Variants in POMT2 observed in about 807,000 individuals in gnomAD.
POMT2 encodes the protein protein O-mannosyltransferase 2.
POMT2 carries 75 observed loss-of-function variants against 100.0 expected under a neutral mutation model. That is an observed-to-expected ratio of 0.75 (90% CI 0.62 to 0.91). The LOEUF is 0.91. Among genes scored for constraint, POMT2 ranks in the 40% least tolerant of loss-of-function variants. The pLI is 0.00. For synonymous variants in POMT2, 378 were observed against 374.1 expected (o/e 1.01, Z -0.12); for missense variants, 940 against 955.1 (o/e 0.98, Z 0.21).
At chr14:77,309,736 G>A (rs1442178995) in intron 2 of POMT2, among the ~76,000 whole-genome samples, 2 of 152,082 alleles carry the variant, frequency 1.3e-5, no homozygotes, top group Admixed American at 6.6e-5. Flanking sequence ...AGGCTGGAGT[G>A]CAGTGGCACG....
rs758284998 is a variant in POMT2 at position 77,320,706 on chromosome 14, C to T, written c.-25G>A. 1.3e-6 allele frequency: 2 copies of T among 1,590,270 alleles called. No individual in the cohort carries two copies. The highest frequency in any genetic ancestry group is 1.3e-5 in the African/African-American group (1 of 74,442). The stretch of plus-strand genomic sequence containing the variant: ...TCTTCCCCCTCCTCTGGGTCGCCCT[C>T]CGGCCCGGAGGCACACTTTGTCTGA... On this transcript the variant is annotated 5_prime_UTR_variant, in exon 1 of 21. Transcript: ENST00000261534.
intron 4 of POMT2, among the ~76,000 whole-genome samples, chr14:77,304,209 G>A (rs942120468): frequency 1.3e-5 from 2 of 152,170 alleles, no homozygotes; most frequent in Admixed American, 6.5e-5. Flanking sequence ...CAACTTCTAC[G>A]ATGAACTCTC....
At chr14:77,280,119 C>G in intron 16 of POMT2, 39 bp from the exon 17 acceptor site, 1 of 1,613,420 alleles carries the variant, frequency 6.2e-7, no homozygotes, top group Non-Finnish European at 8.5e-7. Flanking sequence ...CAGGCCCAGC[C>G]CATCCTCGGC....
intron 4 of POMT2, among the ~76,000 whole-genome samples, chr14:77,304,468 A>G (rs970649323): frequency 6.6e-6 from 1 of 152,210 alleles, no homozygotes; most frequent in Non-Finnish European, 1.5e-5. Context: ...CCTTGGGATT[A>G]CCCACGCCGA....
chr14:77,299,662 A>G, intron 6 of POMT2, 101 bp from the exon 7 acceptor site: 6 of 916,720 alleles, frequency 6.5e-6, no homozygotes, highest in Non-Finnish European at 1.1e-5. Context: ...ATCAGTCATA[A>G]TCATAAAAAA....
chr14:77,283,389 A>T (rs1291712138), intron 15 of POMT2, among the ~76,000 whole-genome samples: 1 of 152,124 alleles, frequency 6.6e-6, no homozygotes, highest in Non-Finnish European at 1.5e-5. Flanking sequence ...ACTAGCAGTA[A>T]CTCTAAAAGC....
At chr14:77,320,222 A>C in intron 1 of POMT2, 1 of 755,982 alleles carries the variant, frequency 1.3e-6, no homozygotes, top group Non-Finnish European at 2.2e-6. Context: ...TTCCTCAGAT[A>C]CTAAGAATCC....
At chr14:77,282,088 G>C (rs1322448963) in intron 15 of POMT2, among the ~76,000 whole-genome samples, 1 of 152,188 alleles carries the variant, frequency 6.6e-6, no homozygotes, top group African/African-American at 2.4e-5. Context: ...AATGAGGAAT[G>C]AATCATTCTG....
intron 15 of POMT2, among the ~76,000 whole-genome samples, chr14:77,281,072 C>T (rs1398896335): frequency 6.6e-6 from 1 of 150,462 alleles, no homozygotes; most frequent in Non-Finnish European, 1.5e-5. Flanking sequence ...CCAACCTAGG[C>T]AAAAAGACCA....
intron 4 of POMT2, 33 bp from the exon 5 acceptor site, chr14:77,302,976 A>C: frequency 6.6e-7 from 1 of 1,518,600 alleles, no homozygotes; most frequent in South Asian, 1.2e-5. Context: ...TGAAAAAGCG[A>C]GGTAAGAGAA....
chr14:77,293,092 T>A (rs1247941454), intron 9 of POMT2, among the ~76,000 whole-genome samples: 2 of 152,092 alleles, frequency 1.3e-5, no homozygotes, highest in East Asian at 3.8e-4. Flanking sequence ...GAAAAAAAAA[T>A]TAGGGATAAT....
At chr14:77,316,798 G>T (rs1389595758) in intron 1 of POMT2, among the ~76,000 whole-genome samples, 1 of 152,196 alleles carries the variant, frequency 6.6e-6, no homozygotes, top group Non-Finnish European at 1.5e-5. Flanking sequence ...CCAAGCAGCA[G>T]CAGGCACTTA....
rs1406413026 is a variant in POMT2 at position 77,277,184 on chromosome 14, G to T, written c.*192C>A. On this transcript the variant is annotated 3_prime_UTR_variant, in exon 21 of 21. Transcript: ENST00000261534. Reference sequence around the variant, plus strand: ...TCCTCTCCGTGGTGCTGTGGACGGAGCTGCGGCTCTCTCCCGGCTCTCTCC... The same window carrying T: ...TCCTCTCCGTGGTGCTGTGGACGGATCTGCGGCTCTCTCCCGGCTCTCTCC... 2.3e-5 allele frequency: 14 copies of T among 619,602 alleles called. No individual in the cohort carries two copies. The South Asian group carries it at 2.5e-4, about 11-fold the overall frequency. 38.4% of individuals were successfully genotyped at this position (619,602 alleles called of 1,614,324 possible).
In POMT2 at chr14:77,306,400, A is replaced by G. The variant is rs1891230806; in HGVS notation, c.375T>C (p.Gly125=). 1 of 1,613,262 alleles carries G rather than the reference A, an allele frequency of 6.2e-7. No homozygotes were observed. The highest frequency in any genetic ancestry group is 1.1e-5 in the South Asian group (1 of 91,078). The change falls in exon 3 of 21, where the codon GGT becomes GGC. Residue 125 remains glycine, a synonymous_variant. Transcript: ENST00000261534. The stretch of plus-strand genomic sequence containing the variant: ...CCCCAGGCTTCTGGAACAAAAAGGT[A>G]CCATCATATCCACTCAGGTAGCCAG... ...GLAGYLSGYD[G]TFLFQKPGDK...
chr14:77,316,403 G>A (rs906335043), intron 1 of POMT2, among the ~76,000 whole-genome samples: 5 of 152,034 alleles, frequency 3.3e-5, no homozygotes, highest in Admixed American at 3.3e-4. Flanking sequence ...TGAGAACTCA[G>A]CTCTTAAAAA....
chr14:77,286,623 C>G, intron 12 of POMT2, 121 bp downstream of exon 12: 2 of 1,421,862 alleles, frequency 1.4e-6, no homozygotes, highest in African/African-American at 1.4e-5. Flanking sequence ...AAGAGAGTCC[C>G]TGTGCAGCCT....
At position 77,284,951 on chromosome 14, in the gene POMT2, C is replaced by T; in HGVS notation, c.1575G>A (p.Lys525=). Residue 525 remains lysine, a splice_region_variant and synonymous_variant, in exon 14 of 21, where the codon AAG becomes AAA. Coordinates refer to ENST00000261534, the MANE Select transcript of POMT2 (RefSeq NM_013382.7). ...AGCCCAGAAAGTGACCTCACTCACA[C>T]TTGGGATTGATATGGTCCTCCACAT... ...IWNVEDHINP[K]LPNISLDVLQ... The T allele has an allele frequency of 1.9e-6, 3 of 1,604,410 alleles. No individual in the cohort carries two copies. Among genetic ancestry groups the T allele is most frequent in the African/African-American group, 1.3e-5 (1 of 74,820 alleles).
intron 7 of POMT2, among the ~76,000 whole-genome samples, chr14:77,299,145 T>C (rs1890932789): frequency 6.6e-6 from 1 of 152,222 alleles, no homozygotes; most frequent in South Asian, 2.1e-4. Flanking sequence ...TTACTGTTAT[T>C]GTTACACTCA....
rs966965226 is a variant in POMT2 at position 77,278,834 on chromosome 14, C to A, written c.1927G>T (p.Val643Phe). ...SQVLLRGGGQ[V>F]LLGWTLHYFP... ...TAATGGAGTGTCCAGCCGAGCAGGA[C>A]CTGGCCGCCTCCTCGAAGCAGGACC... is the stretch of plus-strand genomic sequence containing the variant. The change falls in exon 19 of 21, where the codon GTC (valine) becomes TTC (phenylalanine). Residue 643 changes from valine to phenylalanine, a missense_variant. Coordinates refer to ENST00000261534, the MANE Select transcript of POMT2 (RefSeq NM_013382.7). 1 of 1,613,538 alleles carries A rather than the reference C, an allele frequency of 6.2e-7. No individual in the cohort carries two copies. Among genetic ancestry groups the A allele is most frequent in the South Asian group, 1.1e-5 (1 of 91,082 alleles).
Sources: allele counts gnomAD v4.1 joint callset (sites outside exome capture counted in the v4.1 genomes callset), GRCh38; gene constraint gnomAD v4.1.1; transcripts MANE v1.5; gene names NCBI Gene and HGNC (gene_info 2026-07-23, HGNC 2026-07-21).